Variants in GRIN2A observed in about 807,000 individuals in gnomAD.
GRIN2A encodes glutamate ionotropic receptor NMDA type subunit 2A.
In GRIN2A, 22 loss-of-function variants were observed where a neutral mutation model predicts 113.4. The ratio of observed to expected loss-of-function variants is 0.19; its 90% CI spans 0.14 to 0.28. The LOEUF is 0.28. Among genes scored for constraint, GRIN2A ranks in the 10% least tolerant of loss-of-function variants. The pLI is 1.00. For synonymous variants in GRIN2A, 827 were observed against 738.4 expected (o/e 1.12, Z -1.94); for missense variants, 1,502 against 1,887.0 (o/e 0.80, Z 3.78).
At chr16:10,020,330 T>C (rs1213404149) in intron 2 of GRIN2A, among the ~76,000 whole-genome samples, 3 of 152,160 alleles carry the variant, frequency 2.0e-5, no homozygotes, top group Non-Finnish European at 4.4e-5. Flanking sequence ...TTGAAACTCT[T>C]TGGGCTCAGT....
At chr16:10,112,470 G>T (rs1022963521) in intron 2 of GRIN2A, 1 of 863,270 alleles carries the variant, frequency 1.2e-6, no homozygotes, top group Non-Finnish European at 2.0e-6. Context: ...CATAGCCGAT[G>T]TGGCATCCAG....
intron 2 of GRIN2A, among the ~76,000 whole-genome samples, chr16:9,983,954 C>G (rs1162436052): frequency 2.0e-5 from 3 of 152,230 alleles, no homozygotes; most frequent in South Asian, 4.1e-4. Context: ...TACAGAAGTT[C>G]TACTTTTAGT....
At chr16:10,034,031 C>T (rs1031748009) in intron 2 of GRIN2A, among the ~76,000 whole-genome samples, 1 of 152,170 alleles carries the variant, frequency 6.6e-6, no homozygotes, top group Non-Finnish European at 1.5e-5. Context: ...CAGCAAGGAA[C>T]ACCTGCTGAA....
At chr16:10,156,514 G>A (rs982712961) in intron 2 of GRIN2A, among the ~76,000 whole-genome samples, 5 of 152,120 alleles carry the variant, frequency 3.3e-5, no homozygotes, top group African/African-American at 4.8e-5. Flanking sequence ...TTCAACCCAC[G>A]TATACTGGGC....
intron 8 of GRIN2A, among the ~76,000 whole-genome samples, chr16:9,829,877 T>A (rs1293908151): frequency 2.6e-5 from 4 of 152,110 alleles, no homozygotes; most frequent in African/African-American, 9.7e-5. Context: ...CACATTTCTT[T>A]AAAAAAAGAA....
chr16:9,980,188 G>T (rs1473307241), intron 2 of GRIN2A, among the ~76,000 whole-genome samples: 1 of 151,640 alleles, frequency 6.6e-6, no homozygotes, highest in Non-Finnish European at 1.5e-5. Context: ...CACGAGAATT[G>T]CTTGAACCCA....
At chr16:10,001,505 C>G (rs2046318833) in intron 2 of GRIN2A, among the ~76,000 whole-genome samples, 1 of 152,218 alleles carries the variant, frequency 6.6e-6, no homozygotes, top group African/African-American at 2.4e-5. Context: ...CCTACATACC[C>G]TCTGCTGAAA....
intron 2 of GRIN2A, among the ~76,000 whole-genome samples, chr16:10,070,113 T>C (rs2047721907): frequency 6.6e-6 from 1 of 152,160 alleles, no homozygotes; most frequent in African/African-American, 2.4e-5. Context: ...TCTACCTGAG[T>C]GGTAGCCAGG....
intron 4 of GRIN2A, among the ~76,000 whole-genome samples, chr16:9,890,725 C>T (rs1248094271): frequency 6.6e-6 from 1 of 152,124 alleles, no homozygotes; most frequent in African/African-American, 2.4e-5. Flanking sequence ...TTAAATTATC[C>T]TTAGTTCAGA....
intron 2 of GRIN2A, among the ~76,000 whole-genome samples, chr16:10,036,705 CA>C (rs2047039949): frequency 6.6e-6 from 1 of 151,800 alleles, no homozygotes; most frequent in Admixed American, 6.6e-5. Context: ...CTCGGCCTCC[CA>C]AAATGCTGGG....
At chr16:9,769,451 CTTTTTTTTTTT>C (rs34847596) in intron 11 of GRIN2A, among the ~76,000 whole-genome samples, 6 of 104,890 alleles carry the variant, frequency 5.7e-5, no homozygotes, top group Admixed American at 5.4e-4. Context: ...GGAGTTTTGT[CTTTTTTTTTTT>C]TTTTTTTTTG....
intron 3 of GRIN2A, among the ~76,000 whole-genome samples, chr16:9,936,557 G>C (rs2044717842): frequency 6.6e-6 from 1 of 152,152 alleles, no homozygotes. Flanking sequence ...ATTGGGATAG[G>C]AGTGATCATT....
At chr16:9,992,311 G>T (rs1162815583) in intron 2 of GRIN2A, among the ~76,000 whole-genome samples, 1 of 152,118 alleles carries the variant, frequency 6.6e-6, no homozygotes, top group Non-Finnish European at 1.5e-5. Flanking sequence ...GAGGTAAAGA[G>T]GAGGCTTTAT....
In GRIN2A at chr16:9,981,033, GAA is replaced by G. The variant is rs368029173; in HGVS notation, c.415-42484_415-42483del. ...ATAAATAAATAAAATATTATATTAG[GAA>G]AAAAAAAAGAGAGAGAGAGAGAGAA... On this transcript the variant is annotated intron_variant, in intron 2 of 12. Coordinates refer to ENST00000330684, the MANE Select transcript of GRIN2A (RefSeq NM_001134407.3). Among the ~76,000 whole-genome samples the G allele has an allele frequency of 2.1e-5, 3 of 145,662 alleles. No individual in the cohort carries two copies. In the Admixed American group the frequency reaches 2.1e-4, roughly 10 times the overall value.
intron 2 of GRIN2A, among the ~76,000 whole-genome samples, chr16:10,057,809 G>C (rs2047480711): frequency 6.6e-6 from 1 of 152,150 alleles, no homozygotes; most frequent in Non-Finnish European, 1.5e-5. Flanking sequence ...TAATGGGAGG[G>C]ATACCTATTT....
chr16:10,171,673 T>G (rs1359380361), intron 2 of GRIN2A: 1 of 152,202 alleles, frequency 6.6e-6, no homozygotes, highest in Non-Finnish European at 1.5e-5. Flanking sequence ...TCATCCTTAA[T>G]CACTCTTTCT....
At chr16:10,036,449 CTTTTTTTTTTTT>C (rs369821921) in intron 2 of GRIN2A, among the ~76,000 whole-genome samples, 8,392 of 45,432 alleles carry the variant, frequency 0.18, 169 homozygotes, top group South Asian at 0.33. Context: ...TTTTTTTTTT[CTTTTTTTTTTTT>C]TTTTTTTTTT....
chr16:9,758,936 A>G lies in GRIN2A; in HGVS notation c.*4213T>C, dbSNP rs1022901558. On this transcript the variant is annotated 3_prime_UTR_variant, in exon 13 of 13. Transcript: ENST00000330684. ...ACATAGAACCCTTCACTCATTAAAT[A>G]TCAAGCAACACATTTAGCTTCCACC... 3 of 221,520 alleles carry G rather than the reference A, an allele frequency of 1.4e-5. No individual in the cohort carries two copies. The highest frequency in any genetic ancestry group is 6.7e-5 in the African/African-American group (3 of 44,744). 13.7% of individuals were successfully genotyped at this position (221,520 alleles called of 1,614,324 possible). A position where few individuals can be genotyped will look rare whatever the true frequency, so the allele number is the denominator to read the frequency against.
rs139843674 is a variant in GRIN2A at position 9,779,529 on chromosome 16, G to C, written c.2357-10440C>G. ...AGGAGAGAGTGGAAAGGAAAGAAAA[G>C]AGGACAGGGAAGAGAAGGAGGAGGA... is the stretch of plus-strand genomic sequence containing the variant. On this transcript the variant is annotated intron_variant, in intron 11 of 12. Coordinates refer to ENST00000330684, the MANE Select transcript of GRIN2A (RefSeq NM_001134407.3). Among the ~76,000 whole-genome samples the C allele has an allele frequency of 6.5e-4, 99 of 152,260 alleles. 1 individual carries two copies. In the East Asian group the frequency reaches 0.015, roughly 23 times the overall value.
Sources: allele counts gnomAD v4.1 joint callset (sites outside exome capture counted in the v4.1 genomes callset), GRCh38; gene constraint gnomAD v4.1.1; transcripts MANE v1.5; gene names NCBI Gene and HGNC (gene_info 2026-07-23, HGNC 2026-07-21).